UBR7: variants seen among roughly 807,000 people sequenced by gnomAD.
UBR7 encodes ubiquitin protein ligase E3 component n-recognin 7, also known as putative E3 ubiquitin-protein ligase UBR7.
UBR7 carries 22 observed loss-of-function variants against 57.0 expected under a neutral mutation model. The ratio of observed to expected loss-of-function variants is 0.39; its 90% CI spans 0.28 to 0.55. The LOEUF (loss-of-function observed/expected upper bound fraction) is 0.55. Among genes scored for constraint, UBR7 ranks in the 20% least tolerant of loss-of-function variants. UBR7 has a pLI of 0.69. For missense variants in UBR7, 395 were observed against 513.2 expected (o/e 0.77, Z 2.23); for synonymous variants, 167 against 179.8 (o/e 0.93, Z 0.57).
At chr14:93,225,548 G>T (rs182849131) in intron 10 of UBR7, among the ~76,000 whole-genome samples, 1 of 151,938 alleles carries the variant, frequency 6.6e-6, no homozygotes, top group East Asian at 1.9e-4. Flanking sequence ...TCGGAGGATC[G>T]CTTGAGCCCA....
Position 93,214,971 on chromosome 14 carries a change from T to C in UBR7, c.484T>C (p.Phe162Leu), listed in dbSNP as rs781419377. 6.2e-7 allele frequency: 1 copy of C among 1,613,718 alleles called. No homozygotes were observed. The highest frequency in any genetic ancestry group is 8.5e-7 in the Non-Finnish European group (1 of 1,179,722). ...CCAGTGCGTAGTCTGTGAAGACTGG[T>C]TCCATGGAAGGGTAAGGAAAATGTT... ...MIQCVVCEDW[F>L]HGRHLGAIPP... Residue 162 changes from phenylalanine to leucine, a missense_variant, in exon 5 of 11, where the codon TTC becomes CTC. Transcript: ENST00000013070.
At chr14:93,215,959 G>C (rs1894582232) in intron 6 of UBR7, among the ~76,000 whole-genome samples, 1 of 152,144 alleles carries the variant, frequency 6.6e-6, no homozygotes, top group African/African-American at 2.4e-5. Flanking sequence ...AAATACCTTA[G>C]GCTGGGTAAT....
chr14:93,222,862 T>C lies in UBR7; in HGVS notation c.1185+488T>C, dbSNP rs374767120. On this transcript the variant is annotated intron_variant, in intron 10 of 10. Transcript: ENST00000013070. ...GAGGTAGTGAAACATCAGAGTTACA[T>C]TGGCAGTCCTTACCAACCCCAGCTA... 7.2e-5 allele frequency among the ~76,000 whole-genome samples: 11 copies of C among 152,250 alleles called. No individual in the cohort carries two copies. The East Asian group carries it at 1.4e-3, about 19-fold the overall frequency.
In UBR7 at chr14:93,227,792, C is replaced by G. The variant is rs1278637466; in HGVS notation, c.*757C>G. ...TTTCAGTACTGTAGTGCTCACAGGG[C>G]TTCCTGGAGAACATTTGCCCGTATA... On this transcript the variant is annotated 3_prime_UTR_variant, in exon 11 of 11. Transcript: ENST00000013070. 4.3e-6 allele frequency: 3 copies of G among 700,828 alleles called. No homozygotes were observed. In the Admixed American group the frequency reaches 6.0e-5, roughly 14 times the overall value. 43.4% of individuals were successfully genotyped at this position (700,828 alleles called of 1,614,324 possible). A position where few individuals can be genotyped will look rare whatever the true frequency, so the allele number is the denominator to read the frequency against.
rs111560665 is a variant in UBR7 at position 93,223,868 on chromosome 14, G to A, written c.1185+1494G>A. The A allele has an allele frequency of 7.9e-5, 59 of 742,480 alleles. No homozygotes were observed. In the African/African-American group the frequency reaches 9.0e-4, roughly 11 times the overall value. 46.0% of individuals were successfully genotyped at this position (742,480 alleles called of 1,614,324 possible). ...CCGGTATTCCCGGTACATGTTGGGG[G>A]CGCCGCTCCGGGAGTCATAGCTCAG... On this transcript the variant is annotated intron_variant, in intron 10 of 10. Coordinates refer to ENST00000013070, the MANE Select transcript of UBR7 (RefSeq NM_175748.4).
At chr14:93,220,175 T>A in intron 8 of UBR7, 74 bp from the exon 9 acceptor site, 1 of 1,486,038 alleles carries the variant, frequency 6.7e-7, no homozygotes. Flanking sequence ...CTCAGGAAAT[T>A]GGCTTTCTGA....
Position 93,207,456 on chromosome 14 carries a change from C to G in UBR7, c.150+15C>G, listed in dbSNP as rs1173519145. On this transcript the variant is annotated intron_variant, in intron 1 of 10. Transcript: ENST00000013070. The stretch of plus-strand genomic sequence containing the variant: ...CCTACTCTCAGGTGGGCGCGCGGCC[C>G]GGGCCTCCTCTCCCCCGGCTCCCGC... 2 of 1,539,742 alleles carry G rather than the reference C, an allele frequency of 1.3e-6. No homozygotes were observed. The highest frequency in any genetic ancestry group is 4.1e-5 in the Admixed American group (2 of 48,652).
Position 93,227,069 on chromosome 14 carries a change from GA to G in UBR7, c.*38del. 1 of 1,502,532 alleles carries G rather than the reference GA, an allele frequency of 6.7e-7. No homozygotes were observed. The highest frequency in any genetic ancestry group is 9.2e-7 in the Non-Finnish European group (1 of 1,081,840). The allele number at this position is 1,502,532 out of a possible 1,614,324, so 93.1% of individuals were successfully genotyped here. A position where few individuals can be genotyped will look rare whatever the true frequency, so the allele number is the denominator to read the frequency against. On this transcript the variant is annotated 3_prime_UTR_variant, in exon 11 of 11. Transcript: ENST00000013070. ...ATGAAGCTTTCTCATTCAAGCCAAT[GA>G]AAATGCGCTTCCCATTCTTGGAATA...
Position 93,228,361 on chromosome 14 carries a change from A to G in UBR7, c.*1326A>G, listed in dbSNP as rs542708714. On this transcript the variant is annotated 3_prime_UTR_variant, in exon 11 of 11. Coordinates refer to ENST00000013070, the MANE Select transcript of UBR7 (RefSeq NM_175748.4). ...CTCTGGAGGACCAAGGTCTTTCCTG[A>G]CAGTCGGAGACACACCTTGATGTAT... The G allele has an allele frequency of 5.1e-5, 23 of 454,616 alleles. No individual in the cohort carries two copies. The highest frequency in any genetic ancestry group is 9.3e-5 in the Non-Finnish European group (21 of 227,004). The allele number at this position is 454,616 out of a possible 1,614,324, so 28.2% of individuals were successfully genotyped here.
intron 9 of UBR7, among the ~76,000 whole-genome samples, chr14:93,221,254 G>T (rs1002336412): frequency 6.6e-6 from 1 of 152,034 alleles, no homozygotes; most frequent in African/African-American, 2.4e-5. Flanking sequence ...GGGATTACAG[G>T]CACCTGCCAC....
At chr14:93,218,886 C>T in intron 7 of UBR7, 151 bp downstream of exon 7, 1 of 813,292 alleles carries the variant, frequency 1.2e-6, no homozygotes, top group East Asian at 2.7e-5. Context: ...TAAACCTCAT[C>T]TCTACTAAAA....
chr14:93,220,202 T>C (rs973718259), intron 8 of UBR7, 47 bp from the exon 9 acceptor site: 3 of 1,583,284 alleles, frequency 1.9e-6, no homozygotes, highest in Admixed American at 1.7e-5. Context: ...TAAACAGTTC[T>C]AATGGGGAAA....
chr14:93,227,241 C>G lies in UBR7; in HGVS notation c.*206C>G, dbSNP rs1336078106. 1.6e-6 allele frequency: 1 copy of G among 632,054 alleles called. No individual in the cohort carries two copies. 39.2% of individuals were successfully genotyped at this position (632,054 alleles called of 1,614,324 possible). ...GTCCTCTGTGACTCAGCTGATGCAGCTCATTCCACAGACTTCTCCAGTGTA... is the reference window on the plus strand; with the variant it reads ...GTCCTCTGTGACTCAGCTGATGCAGGTCATTCCACAGACTTCTCCAGTGTA... On this transcript the variant is annotated 3_prime_UTR_variant, in exon 11 of 11. Transcript: ENST00000013070.
At chr14:93,214,801 T>C in intron 4 of UBR7, 128 bp from the exon 5 acceptor site, 1 of 815,702 alleles carries the variant, frequency 1.2e-6, no homozygotes, top group South Asian at 1.4e-5. Context: ...AGTGCTTATC[T>C]CAATGTAAGC....
chr14:93,223,265 G>A (rs1163059543), intron 10 of UBR7, among the ~76,000 whole-genome samples: 5 of 151,932 alleles, frequency 3.3e-5, no homozygotes, highest in South Asian at 2.1e-4. Flanking sequence ...GTATGAGGGC[G>A]GGTGCCTGTA....
intron 4 of UBR7, among the ~76,000 whole-genome samples, chr14:93,213,050 A>G (rs1469816480): frequency 6.6e-6 from 1 of 152,114 alleles, no homozygotes; most frequent in African/African-American, 2.4e-5. Flanking sequence ...AGACACAAGA[A>G]TCACTTGAAC....
At position 93,219,063 on chromosome 14, in the gene UBR7, A is replaced by AG. The variant is rs1250442394; in HGVS notation, c.811-149_811-148insG. On this transcript the variant is annotated intron_variant, in intron 7 of 10. Transcript: ENST00000013070. ...GAATGAGATTCCGTCTCAAAAAAAAAAAAGAAAACTGAAGTGGAATTAATT... is the reference window on the plus strand; with the variant it reads ...GAATGAGATTCCGTCTCAAAAAAAAAGAAAGAAAACTGAAGTGGAATTAATT... The AG allele has an allele frequency of 4.8e-6, 5 of 1,047,182 alleles. No homozygotes were observed. The East Asian group carries it at 1.3e-4, about 27-fold the overall frequency. 64.9% of individuals were successfully genotyped at this position (1,047,182 alleles called of 1,614,324 possible).
At chr14:93,210,076 A>T (rs201924341) in intron 2 of UBR7, 119 bp downstream of exon 2, 103,857 of 610,882 alleles carry the variant, frequency 0.17, 15,023 homozygotes, top group African/African-American at 0.4. Flanking sequence ...GAAATTAATT[A>T]ATTAATTTAT....
chr14:93,209,699 A>C, intron 1 of UBR7, 125 bp from the exon 2 acceptor site: 1 of 1,292,414 alleles, frequency 7.7e-7, no homozygotes. Context: ...TTTAGTCTTA[A>C]TGGTTTTTAC....
Sources: gnomAD v4.1 joint callset for allele counts (sites outside exome capture counted in the v4.1 genomes callset) on GRCh38, gnomAD v4.1.1 for gene constraint, MANE v1.5 for transcripts, NCBI Gene and HGNC (gene_info 2026-07-23, HGNC 2026-07-21) for gene names.